Variants in WDR17 observed in about 807,000 individuals in gnomAD.
The protein encoded by WDR17 is WD repeat-containing protein 17.
A neutral mutation model predicts 161.7 loss-of-function variants in WDR17; 143 were observed. The ratio of observed to expected loss-of-function variants is 0.88; its 90% CI spans 0.77 to 1.02. The LOEUF (loss-of-function observed/expected upper bound fraction) is 1.02. Among genes scored for constraint, WDR17 ranks in the 50% least tolerant of loss-of-function variants. The probability of loss-of-function intolerance (pLI) is 0.00; values close to 1 mark genes in which losing one functional copy is unlikely to be tolerated. For synonymous variants in WDR17, 517 were observed against 515.6 expected, an observed-to-expected ratio of 1.00 and a Z score of -0.04; for missense variants, 1,469 against 1,520.9, an observed-to-expected ratio of 0.97 and a Z score of 0.57.
intron 1 of WDR17, among the ~76,000 whole-genome samples, chr4:176,081,016 A>C (rs755828165): frequency 6.6e-6 from 1 of 152,020 alleles, no homozygotes; most frequent in African/African-American, 2.4e-5. Flanking sequence ...TCTCTCAATG[A>C]ATGGGGCTAA....
In WDR17 at chr4:176,156,117, G is replaced by A. The variant is rs1400714115; in HGVS notation, c.2499G>A (p.Val833=). The stretch of plus-strand genomic sequence containing the variant: ...TGTCAATTGCACCAGGAGTCTCTGT[G>A]AAATACTGGAAGAAGTTAATGCAGA... The part of the protein sequence containing the change: ...KALSIAPGVS[V]KYWKKLMQRR... Residue 833 remains valine (V), a synonymous_variant, in exon 18 of 29, where the codon GTG becomes GTA. Transcript: ENST00000508596. 1.2e-5 allele frequency: 20 copies of A among 1,613,644 alleles called. No homozygotes were observed. Among genetic ancestry groups the A allele is most frequent in the Non-Finnish European group, 1.4e-5 (16 of 1,179,766 alleles).
chr4:176,133,260 A>T (rs1377951098), intron 7 of WDR17, among the ~76,000 whole-genome samples: 11 of 37,740 alleles, frequency 2.9e-4, no homozygotes, highest in East Asian at 1.3e-3. Context: ...CCTCTCTCTA[A>T]AAAAAAAAAA....
In WDR17 at chr4:176,096,621, G is replaced by C. The variant is rs980432851; in HGVS notation, c.-6-14954G>C. 4 of 1,522,110 alleles carry C rather than the reference G, an allele frequency of 2.6e-6. No individual in the cohort carries two copies. The African/African-American group carries it at 4.2e-5, about 16-fold the overall frequency. The allele number at this position is 1,522,110 out of a possible 1,614,324, so 94.3% of individuals were successfully genotyped here. A position where few individuals can be genotyped will look rare whatever the true frequency, so the allele number is the denominator to read the frequency against. Reference sequence around the variant, plus strand: ...TTTACTTGTAATTACGATTTCCTGCGATTTTTTTTCTGCTTTGCTTCTCAT... The same window carrying C: ...TTTACTTGTAATTACGATTTCCTGCCATTTTTTTTCTGCTTTGCTTCTCAT... On this transcript the variant is annotated intron_variant, in intron 1 of 28. Transcript: ENST00000508596.
chr4:176,170,350 T>C (rs1404665829), intron 23 of WDR17, among the ~76,000 whole-genome samples: 6 of 151,312 alleles, frequency 4.0e-5, no homozygotes, highest in Non-Finnish European at 8.9e-5. Context: ...AATTTCACTC[T>C]TGTTGCCCAG....
At chr4:176,068,720 T>C (rs992797833) in intron 1 of WDR17, among the ~76,000 whole-genome samples, 2 of 152,204 alleles carry the variant, frequency 1.3e-5, no homozygotes, top group African/African-American at 4.8e-5. Context: ...TTGGTACTTT[T>C]TGATACCCAA....
At chr4:176,101,294 T>C (rs1737789692) in intron 1 of WDR17, among the ~76,000 whole-genome samples, 1 of 152,150 alleles carries the variant, frequency 6.6e-6, no homozygotes, top group South Asian at 2.1e-4. Flanking sequence ...GACTGAGACC[T>C]AATCATAGGA....
At chr4:176,168,200 C>G (rs895001239) in intron 22 of WDR17, among the ~76,000 whole-genome samples, 38 of 152,112 alleles carry the variant, frequency 2.5e-4, no homozygotes, top group Admixed American at 2.3e-3. Context: ...TTCCACTTAT[C>G]ATGTAAGAAA....
chr4:176,123,850 GCTGAAGGTCCC>G, intron 4 of WDR17, among the ~76,000 whole-genome samples: 1 of 152,170 alleles, frequency 6.6e-6, no homozygotes, highest in African/African-American at 2.4e-5. Context: ...GGGGGATGAG[GCTGAAGGTCCC>G]AACTCTCTAA....
intron 18 of WDR17, among the ~76,000 whole-genome samples, chr4:176,158,084 T>G (rs116320329): frequency 6.4e-4 from 98 of 152,350 alleles, no homozygotes; most frequent in African/African-American, 2.2e-3. Flanking sequence ...TTTTTATTGT[T>G]TCTTTTTCCT....
At chr4:176,109,399 C>T (rs6829241) in intron 1 of WDR17, among the ~76,000 whole-genome samples, 2 of 151,842 alleles carry the variant, frequency 1.3e-5, no homozygotes, top group Admixed American at 6.6e-5. Flanking sequence ...TGTCATTAGA[C>T]GAGGAGGAAA....
At chr4:176,167,719 T>A (rs1750087649) in intron 22 of WDR17, among the ~76,000 whole-genome samples, 1 of 151,608 alleles carries the variant, frequency 6.6e-6, no homozygotes, top group Non-Finnish European at 1.5e-5. Flanking sequence ...AGTTATGATG[T>A]ATGCATCCAT....
chr4:176,088,413 T>C (rs559573066), intron 1 of WDR17, among the ~76,000 whole-genome samples: 2 of 152,254 alleles, frequency 1.3e-5, no homozygotes, highest in Non-Finnish European at 2.9e-5. Flanking sequence ...AGTGAGACCC[T>C]ATCTCTTTAA....
intron 28 of WDR17, 146 bp downstream of exon 28, chr4:176,177,800 A>G (rs916903543): frequency 1.8e-5 from 13 of 719,408 alleles, no homozygotes; most frequent in African/African-American, 5.5e-5. Context: ...TAGTGCTTCC[A>G]TAGTTAGTAC....
chr4:176,086,342 AT>A (rs1293105968), intron 1 of WDR17, among the ~76,000 whole-genome samples: 1 of 151,860 alleles, frequency 6.6e-6, no homozygotes, highest in Non-Finnish European at 1.5e-5. Flanking sequence ...ATGGGGTTTT[AT>A]CTGTTTATTC....
At chr4:176,158,859 GA>G (rs969532114) in intron 18 of WDR17, among the ~76,000 whole-genome samples, 3 of 152,140 alleles carry the variant, frequency 2.0e-5, no homozygotes, top group Admixed American at 1.3e-4. Flanking sequence ...ATGCTTTATA[GA>G]TCCAGCCATT....
chr4:176,085,643 AT>A (rs1005971943), intron 1 of WDR17, among the ~76,000 whole-genome samples: 1 of 151,954 alleles, frequency 6.6e-6, no homozygotes, highest in African/African-American at 2.4e-5. Flanking sequence ...ATAGTGATGT[AT>A]TTTTTTATTC....
chr4:176,067,232 C>A (rs1162326958), intron 1 of WDR17, among the ~76,000 whole-genome samples: 3 of 152,090 alleles, frequency 2.0e-5, no homozygotes, highest in African/African-American at 7.2e-5. Flanking sequence ...AGAACCTTTC[C>A]CCTCCTATCA....
chr4:176,081,913 A>G (rs902976844), intron 1 of WDR17, among the ~76,000 whole-genome samples: 6 of 152,112 alleles, frequency 3.9e-5, no homozygotes, highest in South Asian at 2.1e-4. Context: ...CCCTGAGATC[A>G]GTGTAATTCC....
chr4:176,167,461 A>G (rs1249203791), intron 22 of WDR17, among the ~76,000 whole-genome samples: 1 of 150,880 alleles, frequency 6.6e-6, no homozygotes, highest in Non-Finnish European at 1.5e-5. Context: ...CCTGGCTAAC[A>G]CGGTGAAACC....
Sources: gnomAD v4.1 joint callset for allele counts (sites outside exome capture counted in the v4.1 genomes callset) on GRCh38, gnomAD v4.1.1 for gene constraint, MANE v1.5 for transcripts, NCBI Gene and HGNC (gene_info 2026-07-23, HGNC 2026-07-21) for gene names.